Variants in KLHL14 observed in about 807,000 individuals in gnomAD.
KLHL14 encodes the protein kelch like family member 14, also known as kelch-like protein 14.
Under a neutral mutation model 64.3 loss-of-function variants are expected in KLHL14, and 22 were observed. The ratio of observed to expected loss-of-function variants is 0.34; its 90% CI spans 0.24 to 0.49. The LOEUF (loss-of-function observed/expected upper bound fraction) is 0.49. Among genes scored for constraint, KLHL14 ranks in the 20% least tolerant of loss-of-function variants. KLHL14 has a pLI of 0.99. For missense variants in KLHL14, 661 were observed against 789.0 expected, an observed-to-expected ratio of 0.84 and a Z score of 1.94; for synonymous variants, 322 against 333.4, an observed-to-expected ratio of 0.97 and a Z score of 0.37.
chr18:32,695,397 G>A, intron 4 of KLHL14, 66 bp downstream of exon 4: 1 of 950,080 alleles, frequency 1.1e-6, no homozygotes, highest in Non-Finnish European at 1.7e-6. Flanking sequence ...AAAATGGACT[G>A]CTACTGATGC....
chr18:32,729,323 CA>C (rs1267210210), intron 3 of KLHL14, among the ~76,000 whole-genome samples: 1 of 152,066 alleles, frequency 6.6e-6, no homozygotes, highest in Non-Finnish European at 1.5e-5. Flanking sequence ...CCACTTGCCA[CA>C]GGGGGTTACT....
chr18:32,731,674 T>G (rs368842169), intron 3 of KLHL14, among the ~76,000 whole-genome samples: 11 of 152,154 alleles, frequency 7.2e-5, no homozygotes, highest in African/African-American at 2.6e-4. Context: ...AAATGAGGTC[T>G]CTCTAAATGT....
chr18:32,735,881 G>T (rs2050163499), intron 3 of KLHL14, among the ~76,000 whole-genome samples: 1 of 152,150 alleles, frequency 6.6e-6, no homozygotes, highest in South Asian at 2.1e-4. Context: ...AATGAAATGA[G>T]TGTGTAAAAT....
intron 7 of KLHL14, 43 bp from the exon 8 acceptor site, chr18:32,677,373 C>T: frequency 6.4e-7 from 1 of 1,550,960 alleles, no homozygotes; most frequent in Non-Finnish European, 8.7e-7. Context: ...GATAAATGCT[C>T]AGGGTCCCAA....
At chr18:32,689,353 A>AGAAT (rs2049895804) in intron 4 of KLHL14, among the ~76,000 whole-genome samples, 3 of 152,212 alleles carry the variant, frequency 2.0e-5, no homozygotes, top group South Asian at 4.1e-4. Flanking sequence ...ACATAGGAAA[A>AGAAT]GAATGCTCAG....
At chr18:32,724,527 C>G (rs1459168292) in intron 3 of KLHL14, among the ~76,000 whole-genome samples, 2 of 152,144 alleles carry the variant, frequency 1.3e-5, no homozygotes, top group African/African-American at 4.8e-5. Context: ...TGCTTGGGCT[C>G]CAGAACAAAG....
At chr18:32,675,809 T>C (rs2049808620) in intron 8 of KLHL14, among the ~76,000 whole-genome samples, 1 of 152,202 alleles carries the variant, frequency 6.6e-6, no homozygotes, top group South Asian at 2.1e-4. Flanking sequence ...CAGCTAACAA[T>C]TTGTACAAGC....
At chr18:32,675,166 C>A (rs1208699842) in intron 8 of KLHL14, among the ~76,000 whole-genome samples, 1 of 151,980 alleles carries the variant, frequency 6.6e-6, no homozygotes, top group Non-Finnish European at 1.5e-5. Context: ...CCAGCCTGGG[C>A]AACATAGCAA....
intron 2 of KLHL14, among the ~76,000 whole-genome samples, chr18:32,759,282 G>T (rs111363882): frequency 0.018 from 2,738 of 152,220 alleles, 30 homozygotes; most frequent in Admixed American, 0.03. Context: ...AATGGATAAT[G>T]CTTCAGCAGA....
chr18:32,770,335 T>G lies in KLHL14; in HGVS notation c.257A>C (p.Gln86Pro), dbSNP rs774131983. The change falls in exon 2 of 9, where the codon CAG becomes CCG. Residue 86 changes from glutamine (Q) to proline (P), a missense_variant. By Grantham distance (76) the Gln-to-Pro change is moderately conservative (BLOSUM62 -1). Transcript: ENST00000359358. This position sits in a 1 kb window ranked among gnomAD's most constrained non-coding sequence, Gnocchi z 6.7. ...CTGTGACGGCTGCTGCTGCGGCGGCTGCTGCTGGTCCTTGGGGGCCCCCAG... is the reference window on the plus strand; with the variant it reads ...CTGTGACGGCTGCTGCTGCGGCGGCGGCTGCTGGTCCTTGGGGGCCCCCAG... ...DGLGAPKDQQ[Q>P]PPQQQPSQQQ... is the part of the protein sequence containing the mutation. The G allele has an allele frequency of 2.5e-6, 4 of 1,584,160 alleles. No homozygotes were observed. The highest frequency in any genetic ancestry group is 1.2e-5 in the South Asian group (1 of 85,438).
intron 3 of KLHL14, among the ~76,000 whole-genome samples, chr18:32,708,581 C>T (rs1435287029): frequency 6.6e-6 from 1 of 152,158 alleles, no homozygotes; most frequent in Non-Finnish European, 1.5e-5. Context: ...CTTCTTTCAT[C>T]CTGCTCTCCC....
chr18:32,746,157 T>C (rs2050222829), intron 2 of KLHL14, among the ~76,000 whole-genome samples: 3 of 152,218 alleles, frequency 2.0e-5, no homozygotes, highest in Non-Finnish European at 1.5e-5. Context: ...TTTACCCATT[T>C]TACCCAACCC....
At chr18:32,751,719 AGAT>A (rs1327485233) in intron 2 of KLHL14, among the ~76,000 whole-genome samples, 13 of 152,238 alleles carry the variant, frequency 8.5e-5, no homozygotes, top group African/African-American at 3.1e-4. Flanking sequence ...TATATCATAA[AGAT>A]AATACATGCT....
chr18:32,697,731 T>C (rs2049943938), intron 3 of KLHL14, among the ~76,000 whole-genome samples: 1 of 152,214 alleles, frequency 6.6e-6, no homozygotes, highest in African/African-American at 2.4e-5. Context: ...TTTTTAAGCC[T>C]CTTTTTCATT....
At chr18:32,724,271 A>T (rs528109749) in intron 3 of KLHL14, among the ~76,000 whole-genome samples, 1 of 152,222 alleles carries the variant, frequency 6.6e-6, no homozygotes, top group African/African-American at 2.4e-5. Flanking sequence ...TGACCTGTTT[A>T]TCTCCTGGGG....
At chr18:32,687,069 C>T (rs1598548752) in intron 5 of KLHL14, 86 bp downstream of exon 5, 3 of 1,090,716 alleles carry the variant, frequency 2.8e-6, no homozygotes, top group East Asian at 4.7e-5. Context: ...CTCTATTTAG[C>T]ATTCCTTCTT....
chr18:32,715,768 A>G (rs2050042394), intron 3 of KLHL14, among the ~76,000 whole-genome samples: 1 of 152,196 alleles, frequency 6.6e-6, no homozygotes, highest in Non-Finnish European at 1.5e-5. Flanking sequence ...TATGAATTAT[A>G]GCTCCTCACC....
rs1014610280 is a variant in KLHL14 at position 32,680,665 on chromosome 18, A to G, written c.1239-66T>C. 3.6e-5 allele frequency: 53 copies of G among 1,470,396 alleles called. No homozygotes were observed. The highest frequency in any genetic ancestry group is 4.6e-5 in the Non-Finnish European group (50 of 1,088,424). The allele number at this position is 1,470,396 out of a possible 1,614,324, so 91.1% of individuals were successfully genotyped here. A position where few individuals can be genotyped will look rare whatever the true frequency, so the allele number is the denominator to read the frequency against. ...GTGAAATGTTACCTTTCGAAATAAG[A>G]TAAGCACCACACAGCTAGTCAGGGA... On this transcript the variant is annotated intron_variant, in intron 5 of 8. Transcript: ENST00000359358. The surrounding 1 kb of genome is among the most constrained non-coding windows in gnomAD (Gnocchi z 4.8).
chr18:32,730,941 C>T (rs952951033), intron 3 of KLHL14, among the ~76,000 whole-genome samples: 2 of 152,176 alleles, frequency 1.3e-5, no homozygotes, highest in African/African-American at 4.8e-5. Flanking sequence ...GACAACCAGA[C>T]ACAGAGGTAT....
Sources: gnomAD v4.1 joint callset for allele counts (sites outside exome capture counted in the v4.1 genomes callset) on GRCh38, gnomAD v4.1.1 for gene constraint, Gnocchi (gnomAD v3.1) non-coding constraint, MANE v1.5 for transcripts, NCBI Gene and HGNC (gene_info 2026-07-23, HGNC 2026-07-21) for gene names.